The following MCTP1 variants were observed in gnomAD, a reference collection of about 807,000 sequenced individuals.
MCTP1 encodes multiple C2 and transmembrane domain containing 1.
Under a neutral mutation model 120.6 loss-of-function variants are expected in MCTP1, and 69 were observed. That is an observed-to-expected ratio of 0.57 (90% CI 0.47 to 0.70). The LOEUF is 0.70. Among genes scored for constraint, MCTP1 ranks in the 30% least tolerant of loss-of-function variants. MCTP1 has a pLI of 0.00. For missense variants in MCTP1, 1,203 were observed against 1,248.8 expected (o/e 0.96, Z 0.55); for synonymous variants, 529 against 493.1 (o/e 1.07, Z -0.96).
intron 19 of MCTP1, among the ~76,000 whole-genome samples, chr5:94,757,445 A>C (rs973881598): frequency 2.6e-5 from 4 of 152,230 alleles, no homozygotes. Context: ...AGATGATTTG[A>C]GTTTTTATGT....
chr5:95,183,968 G>A (rs1176417659), intron 1 of MCTP1, among the ~76,000 whole-genome samples: 2 of 151,962 alleles, frequency 1.3e-5, no homozygotes, highest in Non-Finnish European at 2.9e-5. Context: ...GAGAACACAT[G>A]GACGCAGGGA....
In MCTP1 at chr5:94,775,903, A is replaced by T. The variant is rs139463350; in HGVS notation, c.2610+3207T>A. Among the ~76,000 whole-genome samples the T allele has an allele frequency of 2.7e-3, 398 of 148,604 alleles. 4 individuals are homozygous for T. Among genetic ancestry groups the T allele is most frequent in the Non-Finnish European group, 4.3e-3 (291 of 67,316 alleles). On this transcript the variant is annotated intron_variant, in intron 19 of 22. Coordinates refer to ENST00000515393, the MANE Select transcript of MCTP1 (RefSeq NM_024717.7). ...TGAATAATGATTAGCTCTTTGAATA[A>T]AAAACAACTAATATATATATCATAT... is the stretch of plus-strand genomic sequence containing the variant.
chr5:94,940,051 A>G, intron 5 of MCTP1, 33 bp downstream of exon 5: 1 of 1,289,898 alleles, frequency 7.8e-7, no homozygotes, highest in Non-Finnish European at 1.1e-6. Flanking sequence ...TTCAAACAAG[A>G]AAGAGCTCCT....
chr5:95,201,463 G>GTTTTTTTTTTTTT (rs1562232022), intron 1 of MCTP1, among the ~76,000 whole-genome samples: 1 of 120,682 alleles, frequency 8.3e-6, no homozygotes, highest in African/African-American at 3.0e-5. Context: ...AAGGAAAAGT[G>GTTTTTTTTTTTTT]GTTTTTTTTT....
At chr5:94,915,003 A>C (rs1809697056) in intron 8 of MCTP1, among the ~76,000 whole-genome samples, 1 of 152,196 alleles carries the variant, frequency 6.6e-6, no homozygotes, top group Non-Finnish European at 1.5e-5. Context: ...TAAACTTTGG[A>C]CTGGAAACTT....
At chr5:94,954,104 AT>A in intron 2 of MCTP1, among the ~76,000 whole-genome samples, 1 of 66,952 alleles carries the variant, frequency 1.5e-5, no homozygotes, top group African/African-American at 6.4e-5. Flanking sequence ...ATATATATAC[AT>A]ATATATGAAT....
rs998964021 is a variant in MCTP1, at chr5:94,705,540, G to A, written c.*1956C>T. 1.1e-4 allele frequency: 16 copies of A among 147,224 alleles called. No homozygotes were observed. The highest frequency in any genetic ancestry group is 3.6e-3 in the Middle Eastern group (1 of 278). The allele number at this position is 147,224 out of a possible 1,614,324, so 9.1% of individuals were successfully genotyped here. A position where few individuals can be genotyped will look rare whatever the true frequency, so the allele number is the denominator to read the frequency against. ...AAAAAAAAAGGAGTGCTGATTATAC[G>A]TGGGAAAGATTATTTTCTTTTGTAT... On this transcript the variant is annotated 3_prime_UTR_variant, in exon 23 of 23. Coordinates refer to ENST00000515393, the MANE Select transcript of MCTP1 (RefSeq NM_024717.7).
intron 19 of MCTP1, among the ~76,000 whole-genome samples, chr5:94,731,168 C>T (rs116511113): frequency 0.012 from 1,838 of 152,098 alleles, 41 homozygotes; most frequent in African/African-American, 0.043. Flanking sequence ...TCTCTACATA[C>T]GTGGGGGAAT....
intron 19 of MCTP1, among the ~76,000 whole-genome samples, chr5:94,737,853 AT>A (rs1355032606): frequency 6.6e-6 from 1 of 151,986 alleles, no homozygotes; most frequent in Non-Finnish European, 1.5e-5. Flanking sequence ...ATTTTTTTGT[AT>A]TTTTAGTAGA....
intron 11 of MCTP1, 76 bp from the exon 12 acceptor site, chr5:94,889,048 A>AT: frequency 1.0e-6 from 1 of 963,364 alleles, no homozygotes; most frequent in South Asian, 1.4e-5. Context: ...AAAACATTAC[A>AT]TTTTTTAGTT....
At chr5:95,115,204 G>A (rs1201125762) in intron 1 of MCTP1, among the ~76,000 whole-genome samples, 1 of 152,006 alleles carries the variant, frequency 6.6e-6, no homozygotes, top group Admixed American at 6.6e-5. Context: ...ATACTTAACT[G>A]TTCAATGCCC....
At chr5:94,918,120 CTT>C in intron 7 of MCTP1, 147 bp from the exon 8 acceptor site, 1 of 614,334 alleles carries the variant, frequency 1.6e-6, no homozygotes, top group Non-Finnish European at 2.9e-6. Flanking sequence ...CAGAAAATGT[CTT>C]ATAGCACAAT....
intron 1 of MCTP1, among the ~76,000 whole-genome samples, chr5:95,251,577 T>A (rs1180719309): frequency 6.6e-6 from 1 of 152,168 alleles, no homozygotes; most frequent in Non-Finnish European, 1.5e-5. Context: ...AAGTTGAGAT[T>A]TCTTATCTTG....
rs574943192 is a variant in MCTP1, at chr5:95,158,157, A to T, written c.720+125699T>A. On this transcript the variant is annotated intron_variant, in intron 1 of 22. Coordinates refer to ENST00000515393, the MANE Select transcript of MCTP1 (RefSeq NM_024717.7). ...TTGAGCCTGGCAGTCAATTCCACAA[A>T]CACAGACCTGCACAATATGGACTGT... Among the ~76,000 whole-genome samples, 10 of 152,344 alleles carry T rather than the reference A, an allele frequency of 6.6e-5. No individual in the cohort carries two copies. In the South Asian group the frequency reaches 2.1e-3, roughly 32 times the overall value.
chr5:95,011,257 C>A (rs1581827964), intron 2 of MCTP1, among the ~76,000 whole-genome samples: 1 of 152,098 alleles, frequency 6.6e-6, no homozygotes, highest in East Asian at 1.9e-4. Flanking sequence ...ACTATTGTTA[C>A]TGGGGTGTTT....
rs558737971 is a variant in MCTP1, at chr5:95,020,576, T to C, written c.721-3092A>G. Among the ~76,000 whole-genome samples the C allele has an allele frequency of 8.0e-4, 122 of 152,178 alleles. 1 individual carries two copies. In the South Asian group the frequency reaches 0.014, roughly 17 times the overall value. The stretch of plus-strand genomic sequence containing the variant: ...TTCTTTGATCTTTGTAGATGGTATA[T>C]GTGGTCATATAGAAACTATTAAGCA... On this transcript the variant is annotated intron_variant, in intron 1 of 22. Coordinates refer to ENST00000515393, the MANE Select transcript of MCTP1 (RefSeq NM_024717.7).
intron 1 of MCTP1, among the ~76,000 whole-genome samples, chr5:95,220,552 A>G (rs531029238): frequency 6.6e-6 from 1 of 152,288 alleles, no homozygotes; most frequent in African/African-American, 2.4e-5. Flanking sequence ...GTTGAGGCCA[A>G]GAGGGAACTG....
At chr5:95,063,275 T>C (rs1749744167) in intron 1 of MCTP1, among the ~76,000 whole-genome samples, 2 of 152,230 alleles carry the variant, frequency 1.3e-5, no homozygotes, top group Admixed American at 1.3e-4. Flanking sequence ...AGCCAAACCT[T>C]CCAACCTCAA....
chr5:95,024,253 T>A (rs933505471), intron 1 of MCTP1: 1 of 245,918 alleles, frequency 4.1e-6, no homozygotes, highest in African/African-American at 2.3e-5. Flanking sequence ...AAGTCTTTAA[T>A]CCATTTTGAG....
Sources: allele counts gnomAD v4.1 joint callset (sites outside exome capture counted in the v4.1 genomes callset), GRCh38; gene constraint gnomAD v4.1.1; transcripts MANE v1.5; gene names NCBI Gene and HGNC (gene_info 2026-07-23, HGNC 2026-07-21).